DOCK9: variants seen among roughly 807,000 people sequenced by gnomAD.
DOCK9 encodes the protein dedicator of cytokinesis protein 9.
In DOCK9, 89 loss-of-function variants were observed where a neutral mutation model predicts 263.3. The ratio of observed to expected loss-of-function variants is 0.34; its 90% CI spans 0.28 to 0.40. The LOEUF (loss-of-function observed/expected upper bound fraction) is 0.40, where lower values mean the gene tolerates loss of function less well. Among genes scored for constraint, DOCK9 ranks in the 10% least tolerant of loss-of-function variants. The probability of loss-of-function intolerance (pLI) is 1.00; values close to 1 mark genes in which losing one functional copy is unlikely to be tolerated. For missense variants in DOCK9, 2,140 were observed against 2,603.4 expected, an observed-to-expected ratio of 0.82 and a Z score of 3.87; for synonymous variants, 976 against 973.1, an observed-to-expected ratio of 1.00 and a Z score of -0.06.
chr13:99,041,872 C>A (rs1888494979), intron 1 of DOCK9, among the ~76,000 whole-genome samples: 1 of 152,188 alleles, frequency 6.6e-6, no homozygotes, highest in Admixed American at 6.5e-5. Flanking sequence ...ACATGGCCAC[C>A]AGCCAAGAAC....
intron 7 of DOCK9, among the ~76,000 whole-genome samples, chr13:98,917,634 C>CTTT (rs138080498): frequency 6.9e-6 from 1 of 145,702 alleles, no homozygotes. Context: ...TGTATTTTAC[C>CTTT]TTTTTTTTTC....
chr13:99,087,527 T>C (rs1298287910), upstream of DOCK9, among the ~76,000 whole-genome samples: 1 of 151,740 alleles, frequency 6.6e-6, no homozygotes, highest in Non-Finnish European at 1.5e-5. Flanking sequence ...GACGCAGAGC[T>C]GGCGGCCGCT....
At chr13:98,962,880 G>C (rs555585313) in intron 1 of DOCK9, among the ~76,000 whole-genome samples, 1 of 152,166 alleles carries the variant, frequency 6.6e-6, no homozygotes, top group Non-Finnish European at 1.5e-5. Context: ...CCACAGCTGG[G>C]GGTGGGCGAT....
chr13:98,857,835 G>C (rs180904215), intron 33 of DOCK9: 2 of 152,184 alleles, frequency 1.3e-5, no homozygotes, highest in African/African-American at 4.8e-5. Context: ...AATGATTGTC[G>C]CAAGGGACAG....
At chr13:98,814,879 A>C (rs1168037852) in intron 45 of DOCK9, among the ~76,000 whole-genome samples, 1 of 152,008 alleles carries the variant, frequency 6.6e-6, no homozygotes, top group Non-Finnish European at 1.5e-5. Flanking sequence ...AGGAGGTTGC[A>C]GTGAACTGAA....
intron 50 of DOCK9, among the ~76,000 whole-genome samples, chr13:98,799,349 C>T (rs2089833549): frequency 6.6e-6 from 1 of 152,160 alleles, no homozygotes; most frequent in African/African-American, 2.4e-5. Context: ...CATATATACA[C>T]ACATGTACAT....
chr13:99,062,040 T>A (rs2041216152), intron 1 of DOCK9, among the ~76,000 whole-genome samples: 1 of 151,986 alleles, frequency 6.6e-6, no homozygotes, highest in Non-Finnish European at 1.5e-5. Context: ...CCTGGCTAAT[T>A]TTTTTATGTT....
chr13:98,887,966 G>A (rs2046045024), intron 18 of DOCK9, among the ~76,000 whole-genome samples, 192 bp downstream of exon 18: 2 of 152,114 alleles, frequency 1.3e-5, no homozygotes, highest in East Asian at 1.9e-4. Flanking sequence ...CAGTCAATTA[G>A]GAGCCAGAAC....
chr13:98,812,286 C>T (rs1229712029), intron 45 of DOCK9, among the ~76,000 whole-genome samples: 6 of 149,984 alleles, frequency 4.0e-5, no homozygotes, highest in African/African-American at 9.9e-5. Flanking sequence ...TTACATGACA[C>T]GGAGAAAATG....
At chr13:98,925,380 T>TA (rs11369571) in intron 4 of DOCK9, among the ~76,000 whole-genome samples, 100,139 of 150,934 alleles carry the variant, frequency 0.66, 34,030 homozygotes, top group Middle Eastern at 0.82. Flanking sequence ...TTAAAGGAGA[T>TA]AAAAAAAAAA....
chr13:98,984,830 T>C (rs1358667442), intron 1 of DOCK9, among the ~76,000 whole-genome samples: 1 of 152,206 alleles, frequency 6.6e-6, no homozygotes, highest in Non-Finnish European at 1.5e-5. Context: ...CAGCTCTATA[T>C]ATCTATAATA....
rs1299651177 is a variant in DOCK9 at position 98,942,221 on chromosome 13, TTTTTTTTTTTGTTG to T, written c.244-11978_244-11965del. Among the ~76,000 whole-genome samples, 174 of 115,752 alleles carry T rather than the reference TTTTTTTTTTTGTTG, an allele frequency of 1.5e-3. 3 individuals are homozygous for T. Among genetic ancestry groups the T allele is most frequent in the African/African-American group, 6.9e-3 (161 of 23,244 alleles). 75.9% of individuals were successfully genotyped at this position (115,752 alleles called of 152,430 possible). On this transcript the variant is annotated intron_variant, in intron 2 of 52. Transcript: ENST00000682017. ...TTGTCTGTATGTGTCTCTGGTTATG[TTTTTTTTTTTGTTG>T]TTTTTTTTTTTTGTTTTTTTGAGAC...
chr13:98,893,080 G>A (rs1364739907), intron 15 of DOCK9, among the ~76,000 whole-genome samples: 1 of 152,186 alleles, frequency 6.6e-6, no homozygotes, highest in African/African-American at 2.4e-5. Flanking sequence ...GATGAGGCAG[G>A]AAGGGGACAC....
At position 98,923,392 on chromosome 13, in the gene DOCK9, AT is replaced by A. The variant is rs772734683; in HGVS notation, c.417-22del. On this transcript the variant is annotated intron_variant, in intron 4 of 52. Transcript: ENST00000682017. Reference sequence around the variant, plus strand: ...CTTTGCTATAAAAACAACAAAGAAAATTTGTTTTAGAAATGCCTAGTCAAGG... The same window carrying A: ...CTTTGCTATAAAAACAACAAAGAAAATTGTTTTAGAAATGCCTAGTCAAGG... The A allele has an allele frequency of 5.1e-5, 82 of 1,607,884 alleles. 1 individual carries two copies. The highest frequency in any genetic ancestry group is 8.3e-5 in the Admixed American group (5 of 59,988).
rs1362280486 is a variant in DOCK9 at position 98,855,953 on chromosome 13, T to A, written c.3776A>T (p.Asp1259Val). 1.2e-6 allele frequency: 2 copies of A among 1,613,894 alleles called. No homozygotes were observed. The highest frequency in any genetic ancestry group is 1.7e-6 in the Non-Finnish European group (2 of 1,179,880). Residue 1259 changes from aspartate to valine, a missense_variant, in exon 34 of 53, where the codon GAT becomes GTT. Physicochemically the swap from Asp to Val is radical, Grantham distance 152 (BLOSUM62 -3). Coordinates refer to ENST00000682017, the MANE Select transcript of DOCK9 (RefSeq NM_001366683.2). ...CCTTTCTGGAAGGCTGTTACCCGAATCTGTGCTTATGAGAGATCCTCTCGA... is the reference window on the plus strand; with the variant it reads ...CCTTTCTGGAAGGCTGTTACCCGAAACTGTGCTTATGAGAGATCCTCTCGA... ...ADSRGSLIST[D>V]SGNSLPERNS...
At chr13:99,009,506 G>A (rs1017058284) in intron 1 of DOCK9, among the ~76,000 whole-genome samples, 4 of 152,050 alleles carry the variant, frequency 2.6e-5, no homozygotes, top group African/African-American at 7.3e-5. Flanking sequence ...AGATAAAACC[G>A]ATATAAATGT....
At chr13:99,055,163 G>A (rs1041834379) in intron 1 of DOCK9, among the ~76,000 whole-genome samples, 7 of 151,890 alleles carry the variant, frequency 4.6e-5, no homozygotes, top group African/African-American at 1.7e-4. Context: ...CTAGTTAAAG[G>A]GTACACCAGG....
At chr13:98,910,937 CAG>C (rs1306271340) in intron 9 of DOCK9, among the ~76,000 whole-genome samples, 34 of 152,142 alleles carry the variant, frequency 2.2e-4, no homozygotes, top group Middle Eastern at 6.8e-3. Context: ...GGATGACCAA[CAG>C]TTATCAGGTC....
chr13:98,996,402 G>C (rs1323857566), intron 1 of DOCK9, among the ~76,000 whole-genome samples: 2 of 152,178 alleles, frequency 1.3e-5, no homozygotes, highest in Admixed American at 1.3e-4. Context: ...GTTATACCTT[G>C]TAAGCCATCT....
Sources: allele counts gnomAD v4.1 joint callset (sites outside exome capture counted in the v4.1 genomes callset), GRCh38; gene constraint gnomAD v4.1.1; transcripts MANE v1.5; gene names NCBI Gene and HGNC (gene_info 2026-07-23, HGNC 2026-07-21).